DERL2: variants seen among roughly 807,000 people sequenced by gnomAD.
DERL2 encodes the protein derlin 2, also known as derlin-2.
In DERL2, 13 loss-of-function variants were observed where a neutral mutation model predicts 32.0. That is an observed-to-expected ratio of 0.41 (90% CI 0.26 to 0.65). DERL2 has a LOEUF of 0.65. DERL2 is among the 30% of genes least tolerant of loss of function. The pLI, the probability that DERL2 is intolerant of heterozygous loss-of-function variation, is 0.35. For missense variants in DERL2, 208 were observed against 296.3 expected (o/e 0.70, Z 2.19); for synonymous variants, 111 against 104.7 (o/e 1.06, Z -0.37).
chr17:5,480,678 T>C (rs1327471793), intron 4 of DERL2, 96 bp from the exon 5 acceptor site: 2 of 1,138,656 alleles, frequency 1.8e-6, no homozygotes, highest in African/African-American at 1.6e-5. Flanking sequence ...GAAGTTTGAA[T>C]TGGAAAAGTC....
chr17:5,478,150 G>A (rs758846958), intron 6 of DERL2, among the ~76,000 whole-genome samples: 5 of 152,124 alleles, frequency 3.3e-5, no homozygotes, highest in Non-Finnish European at 7.4e-5. Flanking sequence ...GATCACCTGA[G>A]GACTGGAGTT....
rs1905212028 is a variant in DERL2 at position 5,473,506 on chromosome 17, G to A, written c.*1178C>T. ...TGTTAACTAGCCAAAGACCCTGGAAGAACATATGCCTAGCTAACTGGTATC... is the reference window on the plus strand; with the variant it reads ...TGTTAACTAGCCAAAGACCCTGGAAAAACATATGCCTAGCTAACTGGTATC... On this transcript the variant is annotated 3_prime_UTR_variant, in exon 7 of 7. Coordinates refer to ENST00000158771, the MANE Select transcript of DERL2 (RefSeq NM_016041.5). 1 of 151,874 alleles carries A rather than the reference G, an allele frequency of 6.6e-6. No homozygotes were observed. The highest frequency in any genetic ancestry group is 2.1e-4 in the South Asian group (1 of 4,810). The allele number at this position is 151,874 out of a possible 1,614,324, so 9.4% of individuals were successfully genotyped here. A position where few individuals can be genotyped will look rare whatever the true frequency, so the allele number is the denominator to read the frequency against.
Position 5,472,575 on chromosome 17 carries a change from TG to T in DERL2, c.*2108del, listed in dbSNP as rs1905170138. ...AGAAATCAAAAACCCTGTAACTGCCTGCCTTTAGGCTGTATATTCAAAATGT... is the reference window on the plus strand; with the variant it reads ...AGAAATCAAAAACCCTGTAACTGCCTCCTTTAGGCTGTATATTCAAAATGT... On this transcript the variant is annotated 3_prime_UTR_variant, in exon 7 of 7. Coordinates refer to ENST00000158771, the MANE Select transcript of DERL2 (RefSeq NM_016041.5). 3 of 152,362 alleles carry T rather than the reference TG, an allele frequency of 2.0e-5. No homozygotes were observed. Among genetic ancestry groups the T allele is most frequent in the Admixed American group, 1.3e-4 (2 of 15,302 alleles). 9.4% of individuals were successfully genotyped at this position (152,362 alleles called of 1,614,324 possible).
rs1905746328 is a variant in DERL2 at position 5,481,072 on chromosome 17, T to C, written c.327+224A>G. The C allele has an allele frequency of 1.7e-6, 1 of 594,422 alleles. No homozygotes were observed. Among genetic ancestry groups the C allele is most frequent in the Non-Finnish European group, 3.0e-6 (1 of 338,540 alleles). The allele number at this position is 594,422 out of a possible 1,614,324, so 36.8% of individuals were successfully genotyped here. On this transcript the variant is annotated intron_variant, in intron 4 of 6. Transcript: ENST00000158771. This position sits in a 1 kb window ranked among gnomAD's most constrained non-coding sequence, Gnocchi z 4.4. ...AGTGAAGTACGCCAAGCAGTAATGA[T>C]ATAACTGAGTTGCTTAACAGTAACC...
At chr17:5,482,533 G>A (rs535310478) in intron 3 of DERL2, 2 of 295,224 alleles carry the variant, frequency 6.8e-6, no homozygotes, top group East Asian at 1.1e-4. Flanking sequence ...GTGGAGGTAT[G>A]CCTCAGTTAA....
chr17:5,478,666 C>T (rs770923505), intron 6 of DERL2, among the ~76,000 whole-genome samples: 1 of 152,138 alleles, frequency 6.6e-6, no homozygotes, highest in Non-Finnish European at 1.5e-5. Flanking sequence ...TTCACCACTC[C>T]AATTACAGAA....
intron 2 of DERL2, 101 bp from the exon 3 acceptor site, chr17:5,482,983 TG>T: frequency 1.6e-6 from 1 of 631,538 alleles, no homozygotes; most frequent in South Asian, 2.0e-5. Flanking sequence ...CTGCGGTGGT[TG>T]AGAAGCCTTG....
In DERL2 at chr17:5,480,576, C is replaced by A; in HGVS notation, c.334G>T (p.Gly112Cys). 1 of 1,500,038 alleles carries A rather than the reference C, an allele frequency of 6.7e-7. No individual in the cohort carries two copies. Among genetic ancestry groups the A allele is most frequent in the Admixed American group, 2.6e-5 (1 of 38,928 alleles). 92.9% of individuals were successfully genotyped at this position (1,500,038 alleles called of 1,614,324 possible). The change falls in exon 5 of 7, where the codon GGT (glycine) becomes TGT (cysteine). Residue 112 changes from glycine (G) to cysteine (C), a missense_variant. By Grantham distance (159) the Gly-to-Cys change is radical. Around this residue, in one of 3 missense-constraint regions of DERL2, gnomAD observed 124 missense variants for 215.3 expected, o/e 0.58. Transcript: ENST00000158771. Reference protein sequence around the residue: ...LFGGFLMTLFGLFVSLVFLGQ... With the variant: ...LFGGFLMTLFCLFVSLVFLGQ... ...AAGAAAACTAAGCTCACAAACAGAC[C>A]AAAAAGCTAGCAGATGGCATTAAGG...
At position 5,482,887 on chromosome 17, in the gene DERL2, T is replaced by A; in HGVS notation, c.160-5A>T. 1 of 1,417,696 alleles carries A rather than the reference T, an allele frequency of 7.1e-7. No homozygotes were observed. Among genetic ancestry groups the A allele is most frequent in the Non-Finnish European group, 9.7e-7 (1 of 1,031,346 alleles). 87.8% of individuals were successfully genotyped at this position (1,417,696 alleles called of 1,614,324 possible). A position where few individuals can be genotyped will look rare whatever the true frequency, so the allele number is the denominator to read the frequency against. On this transcript the variant is annotated splice_region_variant and splice_polypyrimidine_tract_variant and intron_variant, in intron 2 of 6. Transcript: ENST00000158771. The stretch of plus-strand genomic sequence containing the variant: ...GTTGGTGATTAATCTCCATATCTGT[T>A]AAAAAAAAATCAAGAGAAAGATGTA...
intron 6 of DERL2, among the ~76,000 whole-genome samples, chr17:5,479,189 T>C (rs1427443193): frequency 2.6e-5 from 4 of 152,142 alleles, no homozygotes; most frequent in African/African-American, 9.7e-5. Context: ...GCAATCATAG[T>C]GTATGCAGCC....
At chr17:5,485,411 T>C (rs1906131722) in intron 1 of DERL2, among the ~76,000 whole-genome samples, 195 bp from the exon 2 acceptor site, 1 of 152,190 alleles carries the variant, frequency 6.6e-6, no homozygotes, top group South Asian at 2.1e-4. Context: ...GTATCCTCAA[T>C]ACCTAACACA....
At chr17:5,476,254 C>T (rs1200015716) in intron 6 of DERL2, among the ~76,000 whole-genome samples, 4 of 152,134 alleles carry the variant, frequency 2.6e-5, no homozygotes, top group East Asian at 3.8e-4. Context: ...TACTTGTAAT[C>T]CTCCACAGTT....
intron 6 of DERL2, among the ~76,000 whole-genome samples, chr17:5,479,496 TAAAAAAAAAAAAAAAAAA>T (rs11306765): frequency 1.4e-5 from 1 of 69,400 alleles, no homozygotes; most frequent in Non-Finnish European, 3.1e-5. Flanking sequence ...AGACTCCATG[TAAAAAAAAAAAAAAAAAA>T]AAAAAAAAAA....
Position 5,485,143 on chromosome 17 carries a change from C to G in DERL2, c.159+8G>C. 3 of 1,558,070 alleles carry G rather than the reference C, an allele frequency of 1.9e-6. No homozygotes were observed. Among genetic ancestry groups the G allele is most frequent in the Non-Finnish European group, 2.6e-6 (3 of 1,145,394 alleles). ...AAGCATTAATCACTATTGTGATGAA[C>G]CACTTACTTGAAAGTGTTTAAAGAT... On this transcript the variant is annotated splice_region_variant and intron_variant, in intron 2 of 6. Coordinates refer to ENST00000158771, the MANE Select transcript of DERL2 (RefSeq NM_016041.5).
chr17:5,479,046 C>G (rs1905583101), intron 6 of DERL2, among the ~76,000 whole-genome samples: 1 of 152,110 alleles, frequency 6.6e-6, no homozygotes. Context: ...TGTCAAACTC[C>G]TGAGTTCAAG....
chr17:5,485,759 GTA>G, intron 1 of DERL2: 1 of 327,618 alleles, frequency 3.1e-6, no homozygotes, highest in Non-Finnish European at 5.5e-6. Flanking sequence ...AGTCACCATG[GTA>G]CCACCTGGCC....
upstream of DERL2, chr17:5,486,255 C>A (rs1319194654): frequency 1.9e-6 from 2 of 1,078,674 alleles, no homozygotes; most frequent in Admixed American, 5.5e-5. Context: ...GGCCCCCCGC[C>A]CACTTTAGTT....
At chr17:5,482,507 G>A (rs754760947) in intron 3 of DERL2, 1 of 231,010 alleles carries the variant, frequency 4.3e-6, no homozygotes, top group South Asian at 5.8e-5. Context: ...TTACGGCTTC[G>A]AACCTGTTGG....
In DERL2 at chr17:5,473,352, A is replaced by C. The variant is rs554064718; in HGVS notation, c.*1332T>G. 1 of 152,348 alleles carries C rather than the reference A, an allele frequency of 6.6e-6. No homozygotes were observed. The highest frequency in any genetic ancestry group is 2.1e-4 in the South Asian group (1 of 4,828). The allele number at this position is 152,348 out of a possible 1,614,324, so 9.4% of individuals were successfully genotyped here. ...CAGGGAAGACTTAATATTTAGGGGA[A>C]GTATTTATTGAACCACAGCATTAAG... On this transcript the variant is annotated 3_prime_UTR_variant, in exon 7 of 7. Coordinates refer to ENST00000158771, the MANE Select transcript of DERL2 (RefSeq NM_016041.5).
Sources: allele counts gnomAD v4.1 joint callset (sites outside exome capture counted in the v4.1 genomes callset), GRCh38; gene constraint gnomAD v4.1.1; regional missense constraint gnomAD v4.1.1; non-coding constraint Gnocchi (gnomAD v3.1); transcripts MANE v1.5; gene names NCBI Gene and HGNC (gene_info 2026-07-23, HGNC 2026-07-21).